The following ZNF257 variants were observed in gnomAD, a reference collection of about 807,000 sequenced individuals.
ZNF257 encodes bone marrow zinc finger 4.
ZNF257 carries 12 observed loss-of-function variants against 11.9 expected under a neutral mutation model. The ratio of observed to expected loss-of-function variants is 1.01; its 90% confidence interval spans 0.65 to 1.63. ZNF257 has a LOEUF of 1.63. ZNF257 is among the 40% of genes most tolerant of loss of function. The pLI is 0.00. For missense variants in ZNF257, 580 were observed against 665.5 expected, an observed-to-expected ratio of 0.87 and a Z score of 1.41; for synonymous variants, 183 against 222.7, an observed-to-expected ratio of 0.82 and a Z score of 1.59.
intron 1 of ZNF257, among the ~76,000 whole-genome samples, chr19:22,059,440 C>T (rs1034601927): frequency 6.6e-6 from 1 of 151,884 alleles, no homozygotes. Context: ...ATGCGCCTGC[C>T]ACCACACCAG....
chr19:22,054,706 C>T (rs2021578776), intron 1 of ZNF257, among the ~76,000 whole-genome samples: 1 of 152,052 alleles, frequency 6.6e-6, no homozygotes, highest in East Asian at 1.9e-4. Context: ...AAATTTTGTT[C>T]CTCTTTGCTT....
chr19:22,081,396 T>C (rs1459728884), intron 3 of ZNF257, among the ~76,000 whole-genome samples: 1 of 152,032 alleles, frequency 6.6e-6, no homozygotes, highest in East Asian at 1.9e-4. Flanking sequence ...ACTATTTGCA[T>C]GGAATATAGA....
intron 3 of ZNF257, among the ~76,000 whole-genome samples, chr19:22,079,368 A>G (rs1344011928): frequency 1.3e-5 from 2 of 152,048 alleles, no homozygotes; most frequent in African/African-American, 2.4e-5. Context: ...ACTTTTACAC[A>G]AGATTTCTTG....
intron 3 of ZNF257, among the ~76,000 whole-genome samples, chr19:22,079,760 T>G (rs960033999): frequency 5.3e-5 from 8 of 152,168 alleles, no homozygotes; most frequent in African/African-American, 1.9e-4. Flanking sequence ...AAAACTGTGC[T>G]ATTGAGATTG....
intron 1 of ZNF257, among the ~76,000 whole-genome samples, chr19:22,061,607 T>A (rs1208337822): frequency 1.3e-5 from 2 of 149,098 alleles, no homozygotes; most frequent in African/African-American, 5.1e-5. Flanking sequence ...CAACCTCTCT[T>A]CCCATTTGGA....
chr19:22,070,535 A>C (rs1009636660), intron 1 of ZNF257, among the ~76,000 whole-genome samples: 1 of 151,836 alleles, frequency 6.6e-6, no homozygotes, highest in African/African-American at 2.4e-5. Context: ...ACATTCCATC[A>C]GTACACTTGT....
In ZNF257 at chr19:22,074,005, T is replaced by C. The variant is rs150078039; in HGVS notation, c.226+441T>C. Among the ~76,000 whole-genome samples the C allele has an allele frequency of 1.8e-3, 272 of 152,252 alleles. 1 individual carries two copies. The highest frequency in any genetic ancestry group is 6.0e-3 in the African/African-American group (251 of 41,540). ...TTTTTTAATTTTTCTGCACATTTCA[T>C]CCTTTTTCTTTAGTATATTTTTGAA... On this transcript the variant is annotated intron_variant, in intron 3 of 3. Transcript: ENST00000594947.
intron 3 of ZNF257, 110 bp downstream of exon 3, chr19:22,073,674 A>G: frequency 2.9e-6 from 4 of 1,372,324 alleles, no homozygotes; most frequent in Non-Finnish European, 3.9e-6. Flanking sequence ...TCCAAGGGAT[A>G]TAGTTTCTGG....
intron 3 of ZNF257, among the ~76,000 whole-genome samples, chr19:22,079,320 T>C (rs1341097609): frequency 6.6e-6 from 1 of 152,160 alleles, no homozygotes; most frequent in East Asian, 1.9e-4. Context: ...CTTGTTCTTT[T>C]TCATGGGTTT....
intron 1 of ZNF257, among the ~76,000 whole-genome samples, chr19:22,061,538 CACG>C (rs1333237521): frequency 2.0e-5 from 3 of 151,732 alleles, no homozygotes; most frequent in Non-Finnish European, 4.4e-5. Flanking sequence ...GCTTTTCTGT[CACG>C]ACTATAGTCT....
rs772592446 is a variant in ZNF257 at position 22,088,741 on chromosome 19, C to G, written c.991C>G (p.Leu331Val). ...CGKAFNQSSA[L>V]TRHKMIHTGE... ...CAAAGCCTTTAACCAGTCCTCAGCCCTTACTCGACATAAGATGATTCATAC... is the reference window on the plus strand; with the variant it reads ...CAAAGCCTTTAACCAGTCCTCAGCCGTTACTCGACATAAGATGATTCATAC... The change falls in exon 4 of 4, where the codon CTT (leucine) becomes GTT (valine). Residue 331 changes from leucine to valine, a missense_variant. Transcript: ENST00000594947. The G allele has an allele frequency of 6.2e-7, 1 of 1,612,402 alleles. No individual in the cohort carries two copies. The highest frequency in any genetic ancestry group is 1.1e-5 in the South Asian group (1 of 91,010).
chr19:22,068,608 G>C (rs909612191), intron 1 of ZNF257, among the ~76,000 whole-genome samples: 2 of 152,136 alleles, frequency 1.3e-5, no homozygotes, highest in Non-Finnish European at 2.9e-5. Context: ...GTCTTGTCCA[G>C]TGACCTGCTG....
At chr19:22,068,249 G>T (rs534246776) in intron 1 of ZNF257, among the ~76,000 whole-genome samples, 7 of 150,512 alleles carry the variant, frequency 4.7e-5, no homozygotes, top group Admixed American at 6.6e-5. Flanking sequence ...TTGCTCCCAG[G>T]TTACAGTCCT....
chr19:22,080,674 G>A lies in ZNF257; in HGVS notation c.226+7110G>A, dbSNP rs147785793. On this transcript the variant is annotated intron_variant, in intron 3 of 3. Transcript: ENST00000594947. ...GTCTATAATGTTTTCTAAGTTCTCT[G>A]TTTTATTATTGCTATTTTATCTGAA... Among the ~76,000 whole-genome samples the A allele has an allele frequency of 2.5e-3, 385 of 151,480 alleles. 3 individuals are homozygous for A. Among genetic ancestry groups the A allele is most frequent in the African/African-American group, 9.0e-3 (372 of 41,280 alleles).
intron 1 of ZNF257, among the ~76,000 whole-genome samples, chr19:22,056,054 CAA>C (rs139730834): frequency 1.5e-4 from 18 of 116,638 alleles, no homozygotes; most frequent in East Asian, 4.9e-4. Flanking sequence ...GACTCCGTCT[CAA>C]AAAAAAAAAA....
chr19:22,063,902 A>G (rs2021871557), intron 1 of ZNF257, among the ~76,000 whole-genome samples: 1 of 152,154 alleles, frequency 6.6e-6, no homozygotes, highest in Non-Finnish European at 1.5e-5. Flanking sequence ...ACATACTGTT[A>G]TCTTTGTTTA....
intron 1 of ZNF257, among the ~76,000 whole-genome samples, chr19:22,052,851 G>T (rs1218070283): frequency 6.6e-6 from 1 of 152,104 alleles, no homozygotes; most frequent in Admixed American, 6.5e-5. Flanking sequence ...CCTGCGCAGT[G>T]ACTGTGCCCT....
chr19:22,063,988 C>A (rs1421666548), intron 1 of ZNF257: 1 of 152,188 alleles, frequency 6.6e-6, no homozygotes, highest in Non-Finnish European at 1.5e-5. Context: ...GAATTAAAGT[C>A]TCTTCATAGG....
chr19:22,064,844 A>C (rs954377529), intron 1 of ZNF257, among the ~76,000 whole-genome samples: 3 of 152,150 alleles, frequency 2.0e-5, no homozygotes, highest in African/African-American at 7.2e-5. Flanking sequence ...TCACGAGGTC[A>C]GGAGTTGGAG....
Sources: allele counts gnomAD v4.1 joint callset (sites outside exome capture counted in the v4.1 genomes callset), GRCh38; gene constraint gnomAD v4.1.1; transcripts MANE v1.5; gene names NCBI Gene and HGNC (gene_info 2026-07-23, HGNC 2026-07-21).